Variants in PYGB observed in about 807,000 individuals in gnomAD.
PYGB encodes glycogen phosphorylase, brain form.
Under a neutral mutation model 94.3 loss-of-function variants are expected in PYGB, and 82 were observed. The ratio of observed to expected loss-of-function variants is 0.87; its 90% confidence interval spans 0.73 to 1.04. PYGB has a LOEUF of 1.04. PYGB is among the 50% of genes least tolerant of loss of function. The probability of loss-of-function intolerance (pLI) is 0.00; values close to 1 mark genes in which losing one functional copy is unlikely to be tolerated. For synonymous variants in PYGB, 488 were observed against 479.1 expected (o/e 1.02, Z -0.24); for missense variants, 1,132 against 1,158.2 (o/e 0.98, Z 0.33).
chr20:25,289,863 C>CAGT, intron 15 of PYGB: 1 of 533,516 alleles, frequency 1.9e-6, no homozygotes, highest in Non-Finnish European at 3.8e-6. Flanking sequence ...CATCACCACA[C>CAGT]AGTACCACCA....
At chr20:25,266,374 TCACATTACA>T (rs1280647570) in intron 2 of PYGB, among the ~76,000 whole-genome samples, 1 of 152,036 alleles carries the variant, frequency 6.6e-6, no homozygotes, top group Non-Finnish European at 1.5e-5. Flanking sequence ...AACCCCTACC[TCACATTACA>T]TACAAAAATT....
At chr20:25,270,206 G>GTTT (rs1166786019) in intron 3 of PYGB, among the ~76,000 whole-genome samples, 3 of 111,926 alleles carry the variant, frequency 2.7e-5, no homozygotes, top group African/African-American at 4.5e-5. Flanking sequence ...GTTTTGTTTT[G>GTTT]TTTTTTTTTT....
intron 1 of PYGB, among the ~76,000 whole-genome samples, chr20:25,249,962 G>T (rs1052728650): frequency 1.3e-5 from 2 of 151,750 alleles, no homozygotes; most frequent in African/African-American, 4.8e-5. Context: ...CAATTCTCCT[G>T]CCTTAGCCTC....
intron 18 of PYGB, chr20:25,294,918 T>G: frequency 2.5e-6 from 1 of 401,336 alleles, no homozygotes; most frequent in Non-Finnish European, 3.2e-6. Context: ...TGCCTTTGGG[T>G]TAGTTTTAGT....
In PYGB at chr20:25,288,474, T is replaced by A. The variant is rs775170983; in HGVS notation, c.1818T>A (p.Ile606=). The A allele has an allele frequency of 6.2e-7, 1 of 1,613,840 alleles. No individual in the cohort carries two copies. Among genetic ancestry groups the A allele is most frequent in the Non-Finnish European group, 8.5e-7 (1 of 1,179,928 alleles). The change falls in exon 15 of 20, where the codon ATT becomes ATA. Residue 606 remains isoleucine, a synonymous_variant. Coordinates refer to ENST00000216962, the MANE Select transcript of PYGB (RefSeq NM_002862.4). ...AKAFVPRTVM[I]GGKAAPGYHM... ...CTTTTGTGCCCAGGACTGTTATGATTGGGGGCAAGGTGAGTGACTTCCTCT... is the reference window on the plus strand; with the variant it reads ...CTTTTGTGCCCAGGACTGTTATGATAGGGGGCAAGGTGAGTGACTTCCTCT...
chr20:25,261,727 C>T (rs975476283), intron 2 of PYGB, among the ~76,000 whole-genome samples: 1 of 152,086 alleles, frequency 6.6e-6, no homozygotes, highest in African/African-American at 2.4e-5. Flanking sequence ...AGCTAAAAAC[C>T]TTGAAAAAAG....
intron 4 of PYGB, 40 bp downstream of exon 4, chr20:25,271,526 G>C (rs201568839): frequency 6.4e-7 from 1 of 1,572,546 alleles, no homozygotes; most frequent in Non-Finnish European, 8.8e-7. Flanking sequence ...TCCAGCTCTC[G>C]TTCACACAAT....
chr20:25,289,077 A>AG (rs2088443318), intron 15 of PYGB, among the ~76,000 whole-genome samples: 1 of 152,180 alleles, frequency 6.6e-6, no homozygotes, highest in Admixed American at 6.5e-5. Context: ...GAGGCACCCC[A>AG]GCCCTCCACG....
At chr20:25,295,772 T>C (rs1257920498) in intron 19 of PYGB, 102 bp downstream of exon 19, 7 of 1,330,612 alleles carry the variant, frequency 5.3e-6, no homozygotes, top group Non-Finnish European at 7.5e-6. Flanking sequence ...ATTCTTGGCC[T>C]GGGCCAGAGG....
chr20:25,258,722 G>C (rs548201231), intron 1 of PYGB, among the ~76,000 whole-genome samples: 1 of 152,264 alleles, frequency 6.6e-6, no homozygotes, highest in African/African-American at 2.4e-5. Context: ...GACTTCTGCT[G>C]GGGAACATGG....
At chr20:25,266,712 G>C (rs977146322) in intron 2 of PYGB, among the ~76,000 whole-genome samples, 2 of 152,138 alleles carry the variant, frequency 1.3e-5, no homozygotes, top group African/African-American at 4.8e-5. Context: ...TGGACAAAAA[G>C]ACTTGGATGT....
chr20:25,284,218 C>G lies in PYGB; in HGVS notation c.1735C>G (p.Leu579Val). ...KRIHEYKRQL[L>V]NCLHVVTLYN... ...GATCCACGAGTACAAGCGGCAGCTGCTCAACTGCCTGCACGTCGTCACCCT... is the reference window on the plus strand; with the variant it reads ...GATCCACGAGTACAAGCGGCAGCTGGTCAACTGCCTGCACGTCGTCACCCT... Residue 579 changes from leucine to valine, a missense_variant, in exon 14 of 20, where the codon CTC (leucine) becomes GTC (valine). Transcript: ENST00000216962. 1 of 1,614,110 alleles carries G rather than the reference C, an allele frequency of 6.2e-7. No homozygotes were observed. Among genetic ancestry groups the G allele is most frequent in the Non-Finnish European group, 8.5e-7 (1 of 1,179,980 alleles).
At chr20:25,290,988 C>T (rs1349465406) in intron 16 of PYGB, among the ~76,000 whole-genome samples, 2 of 151,450 alleles carry the variant, frequency 1.3e-5, no homozygotes, top group Non-Finnish European at 3.0e-5. Context: ...GGCCTGCCCT[C>T]TGTACCCTCC....
At chr20:25,289,807 A>G in intron 15 of PYGB, 1 of 533,294 alleles carries the variant, frequency 1.9e-6, no homozygotes, top group Middle Eastern at 3.2e-4. Context: ...ATTCCTTTTC[A>G]TAAAATGATG....
chr20:25,280,460 C>T (rs1018801182), intron 10 of PYGB, 48 bp downstream of exon 10: 7 of 1,592,284 alleles, frequency 4.4e-6, no homozygotes, highest in Non-Finnish European at 6.0e-6. Context: ...TACACCCATG[C>T]CAACGGCCCC....
chr20:25,271,900 G>A (rs2088271591), intron 4 of PYGB, among the ~76,000 whole-genome samples: 1 of 152,246 alleles, frequency 6.6e-6, no homozygotes, highest in Non-Finnish European at 1.5e-5. Flanking sequence ...GTAGTTAGAA[G>A]AGCAGTTGTA....
In PYGB at chr20:25,253,623, TAAATAAAATAAAATA is replaced by T. The variant is rs61580405; in HGVS notation, c.243+5224_243+5238del. ...GCACTCCAGCCTGGGCAACTCTGCC[TAAATAAAATAAAATA>T]AAATAAAATAAAATAAAATAAGGTA... On this transcript the variant is annotated intron_variant, in intron 1 of 19. Transcript: ENST00000216962. 1.3e-3 allele frequency among the ~76,000 whole-genome samples: 185 copies of T among 146,318 alleles called. 2 individuals are homozygous for T. The highest frequency in any genetic ancestry group is 4.0e-4 in the East Asian group (2 of 4,944).
rs2092909386 is a variant in PYGB at position 25,259,641 on chromosome 20, A to G, written c.345+303A>G. 1.3e-5 allele frequency among the ~76,000 whole-genome samples: 2 copies of G among 152,152 alleles called. 1 individual carries two copies. The highest frequency in any genetic ancestry group is 2.9e-5 in the Non-Finnish European group (2 of 68,022). On this transcript the variant is annotated intron_variant, in intron 2 of 19. Coordinates refer to ENST00000216962, the MANE Select transcript of PYGB (RefSeq NM_002862.4). Reference sequence around the variant, plus strand: ...CTCCGGGGCGGATTTAGAGCACTGCACCAGTGGTTGGTATTATTCCATTTT... The same window carrying G: ...CTCCGGGGCGGATTTAGAGCACTGCGCCAGTGGTTGGTATTATTCCATTTT...
chr20:25,288,125 A>G (rs2088433488), intron 14 of PYGB: 2 of 522,016 alleles, frequency 3.8e-6, no homozygotes, highest in Non-Finnish European at 7.0e-6. Flanking sequence ...GGGGAATAGC[A>G]TCTTTGCTCG....
Sources: allele counts gnomAD v4.1 joint callset (sites outside exome capture counted in the v4.1 genomes callset), GRCh38; gene constraint gnomAD v4.1.1; transcripts MANE v1.5; gene names NCBI Gene and HGNC (gene_info 2026-07-23, HGNC 2026-07-21).